Variants in EYS observed in about 807,000 individuals in gnomAD.
EYS encodes EGF-like photoreceptor maintenance factor, also known as protein eyes shut homolog.
In EYS, 250 loss-of-function variants were observed where a neutral mutation model predicts 282.1. The ratio of observed to expected loss-of-function variants is 0.89; its 90% CI spans 0.80 to 0.98. The LOEUF (loss-of-function observed/expected upper bound fraction) is 0.98. Among genes scored for constraint, EYS ranks in the 50% least tolerant of loss-of-function variants. The probability of loss-of-function intolerance (pLI) is 0.00; values close to 1 mark genes in which losing one functional copy is unlikely to be tolerated. For synonymous variants in EYS, 1,355 were observed against 1,282.9 expected (o/e 1.06, Z -1.20); for missense variants, 4,016 against 3,709.0 (o/e 1.08, Z -2.15).
In EYS at chr6:65,313,017, C is replaced by T. The variant is rs554431409; in HGVS notation, c.1767-16898G>A. Among the ~76,000 whole-genome samples, 328 of 152,250 alleles carry T rather than the reference C, an allele frequency of 2.2e-3. 1 individual carries two copies. Among genetic ancestry groups the T allele is most frequent in the South Asian group, 4.4e-3 (21 of 4,824 alleles). On this transcript the variant is annotated intron_variant, in intron 11 of 42. Coordinates refer to ENST00000503581, the MANE Select transcript of EYS (RefSeq NM_001142800.2). ...CCCCAGATGAGGTAGTAGAGATCCCCTACTGTTTCGTGGAACACCAGCAAC... is the reference window on the plus strand; with the variant it reads ...CCCCAGATGAGGTAGTAGAGATCCCTTACTGTTTCGTGGAACACCAGCAAC...
At chr6:64,989,533 TTA>T (rs1407727638) in intron 14 of EYS, among the ~76,000 whole-genome samples, 1 of 138,268 alleles carries the variant, frequency 7.2e-6, no homozygotes, top group African/African-American at 2.7e-5. Flanking sequence ...ATAATATATA[TTA>T]TGTTATAATA....
chr6:65,464,516 A>G (rs1764929721), intron 5 of EYS, among the ~76,000 whole-genome samples: 1 of 152,194 alleles, frequency 6.6e-6, no homozygotes. Context: ...TACCAACATC[A>G]AAGTTAATGT....
intron 26 of EYS, among the ~76,000 whole-genome samples, chr6:64,579,906 A>T (rs1291451681): frequency 2.0e-5 from 3 of 152,110 alleles, no homozygotes; most frequent in Non-Finnish European, 4.4e-5. Flanking sequence ...TTGTGGTATC[A>T]AATCATTGAC....
At chr6:64,874,516 T>A (rs1186493712) in intron 19 of EYS, among the ~76,000 whole-genome samples, 1 of 152,082 alleles carries the variant, frequency 6.6e-6, no homozygotes, top group Non-Finnish European at 1.5e-5. Context: ...CTCATTATTT[T>A]AGTTTGGATT....
chr6:64,657,669 G>C (rs1015991135), intron 22 of EYS, among the ~76,000 whole-genome samples: 1 of 152,142 alleles, frequency 6.6e-6, no homozygotes, highest in African/African-American at 2.4e-5. Flanking sequence ...CTTTAAGAAT[G>C]TTGAATATTG....
intron 30 of EYS, among the ~76,000 whole-genome samples, chr6:64,232,342 TC>T (rs34737277): frequency 0.31 from 47,707 of 151,784 alleles, 7,461 homozygotes; most frequent in East Asian, 0.5. Flanking sequence ...TAATTTTGAA[TC>T]TTTTTTTTTG....
chr6:64,063,847 A>C (rs1771267523), intron 33 of EYS, among the ~76,000 whole-genome samples: 1 of 152,116 alleles, frequency 6.6e-6, no homozygotes, highest in Non-Finnish European at 1.5e-5. Context: ...CTCCCGCCTC[A>C]GCCTCCTGAG....
At chr6:65,132,553 A>G (rs374649852) in intron 12 of EYS, among the ~76,000 whole-genome samples, 62 of 152,094 alleles carry the variant, frequency 4.1e-4, no homozygotes, top group East Asian at 5.8e-4. Context: ...GTATTGAAGG[A>G]ACATACCTCA....
chr6:63,805,114 C>T (rs866610872), intron 37 of EYS, among the ~76,000 whole-genome samples: 33 of 152,064 alleles, frequency 2.2e-4, no homozygotes, highest in African/African-American at 6.8e-4. Flanking sequence ...ACCCTAGCAC[C>T]GTAGAACCAC....
At chr6:64,241,561 G>A (rs1766827985) in intron 30 of EYS, among the ~76,000 whole-genome samples, 1 of 151,810 alleles carries the variant, frequency 6.6e-6, no homozygotes, top group East Asian at 1.9e-4. Flanking sequence ...TGGGGTCAGT[G>A]TTGTTGTCTC....
intron 19 of EYS, among the ~76,000 whole-genome samples, chr6:64,863,327 C>T (rs1016741357): frequency 1.3e-5 from 2 of 152,084 alleles, no homozygotes; most frequent in Admixed American, 6.5e-5. Context: ...ATTCATTATT[C>T]CCACTAGTTT....
chr6:64,261,219 G>T (rs1767576361), intron 30 of EYS, among the ~76,000 whole-genome samples: 3 of 151,926 alleles, frequency 2.0e-5, no homozygotes, highest in Admixed American at 1.3e-4. Flanking sequence ...CAGGACATTG[G>T]TCTGGGCAAA....
intron 12 of EYS, among the ~76,000 whole-genome samples, chr6:65,283,576 T>C (rs928935795): frequency 5.3e-5 from 8 of 152,014 alleles, no homozygotes; most frequent in African/African-American, 1.9e-4. Context: ...TCCCATTCTT[T>C]ACTGATTTTA....
chr6:65,047,736 T>C (rs1277221828), intron 13 of EYS, among the ~76,000 whole-genome samples: 2 of 151,810 alleles, frequency 1.3e-5, no homozygotes, highest in Admixed American at 1.3e-4. Context: ...CAGAAATGTG[T>C]GGGGAATTTA....
intron 5 of EYS, among the ~76,000 whole-genome samples, chr6:65,440,561 A>G (rs9445547): frequency 7.3e-5 from 11 of 151,624 alleles, no homozygotes; most frequent in African/African-American, 2.7e-4. Context: ...CAAGCTGGTG[A>G]TATCTTTTAC....
At chr6:64,817,229 G>A (rs1483726479) in intron 21 of EYS, among the ~76,000 whole-genome samples, 3 of 152,032 alleles carry the variant, frequency 2.0e-5, no homozygotes, top group East Asian at 1.9e-4. Flanking sequence ...CAAATAAAAA[G>A]AATGAGAAGA....
At chr6:64,012,934 G>C (rs932134226) in intron 33 of EYS, among the ~76,000 whole-genome samples, 3 of 152,122 alleles carry the variant, frequency 2.0e-5, no homozygotes, top group African/African-American at 7.2e-5. Context: ...TATAAAAAGC[G>C]CTCCATGACC....
At chr6:65,130,787 C>A (rs1252447923) in intron 12 of EYS, among the ~76,000 whole-genome samples, 2 of 149,666 alleles carry the variant, frequency 1.3e-5, no homozygotes, top group Admixed American at 1.3e-4. Context: ...CACATGTACC[C>A]TGGAACTAAA....
At chr6:64,678,240 T>C (rs1012009447) in intron 22 of EYS, among the ~76,000 whole-genome samples, 4 of 151,778 alleles carry the variant, frequency 2.6e-5, no homozygotes, top group African/African-American at 9.7e-5. Flanking sequence ...TTTTTGATAC[T>C]CAAAAGCTAG....
Sources: allele counts gnomAD v4.1 joint callset (sites outside exome capture counted in the v4.1 genomes callset), GRCh38; gene constraint gnomAD v4.1.1; transcripts MANE v1.5; gene names NCBI Gene and HGNC (gene_info 2026-07-23, HGNC 2026-07-21).